The following CIMIP7 variants were observed in gnomAD, a reference collection of about 807,000 sequenced individuals.
CIMIP7 encodes the protein uncharacterized protein C3orf84.
the CIMIP7 span, among the ~76,000 whole-genome samples, chr3:49,190,980 A>C: frequency 6.6e-6 from 1 of 152,074 alleles, no homozygotes; most frequent in South Asian, 2.1e-4. Context: ...AGAGAATTTC[A>C]GAGAGAGGAA....
At chr3:49,190,663 AT>A in the CIMIP7 span, among the ~76,000 whole-genome samples, 910 of 99,966 alleles carry the variant, frequency 9.1e-3, 6 homozygotes, top group Middle Eastern at 0.028. Flanking sequence ...GCCAGGCTGA[AT>A]TTTTTTTTTT....
At chr3:49,180,705 C>T in the CIMIP7 span, among the ~76,000 whole-genome samples, 3 of 150,798 alleles carry the variant, frequency 2.0e-5, no homozygotes, top group Non-Finnish European at 4.4e-5. Context: ...CCGAGGCGGG[C>T]GGATCACGAG....
the CIMIP7 span, among the ~76,000 whole-genome samples, chr3:49,186,504 C>T: frequency 6.6e-6 from 1 of 150,954 alleles, no homozygotes; most frequent in East Asian, 2.0e-4. Context: ...CCCGGGTTCA[C>T]ACCATTCTCC....
chr3:49,186,217 T>C, the CIMIP7 span, among the ~76,000 whole-genome samples: 1 of 151,720 alleles, frequency 6.6e-6, no homozygotes, highest in Non-Finnish European at 1.5e-5. Flanking sequence ...CAGGCTGGTC[T>C]TGAACTCCCG....
chr3:49,189,949 G>A, the CIMIP7 span: 7 of 1,049,266 alleles, frequency 6.7e-6, no homozygotes, highest in African/African-American at 9.4e-5. Flanking sequence ...TGGAAGGGCT[G>A]GGATGATGCT....
the CIMIP7 span, among the ~76,000 whole-genome samples, chr3:49,188,571 C>T: frequency 2.0e-5 from 3 of 152,122 alleles, no homozygotes; most frequent in Non-Finnish European, 2.9e-5. Flanking sequence ...CTGATCCTGT[C>T]AGGGTGACCC....
the CIMIP7 span, among the ~76,000 whole-genome samples, chr3:49,191,435 A>G: frequency 2.6e-5 from 4 of 152,236 alleles, no homozygotes; most frequent in African/African-American, 9.6e-5. Context: ...TTCCCAGACT[A>G]GAGAGCAGCC....
chr3:49,183,225 A>G, the CIMIP7 span, among the ~76,000 whole-genome samples: 1 of 152,244 alleles, frequency 6.6e-6, no homozygotes, highest in African/African-American at 2.4e-5. Flanking sequence ...AATTAAAACC[A>G]CAATAAGATA....
chr3:49,181,887 G>T, the CIMIP7 span, among the ~76,000 whole-genome samples: 1 of 152,210 alleles, frequency 6.6e-6, no homozygotes, highest in Non-Finnish European at 1.5e-5. Context: ...CTTAAAGGCG[G>T]CATGTCCGGA....
chr3:49,186,421 G>A, the CIMIP7 span, among the ~76,000 whole-genome samples: 1 of 103,564 alleles, frequency 9.7e-6, no homozygotes, highest in Non-Finnish European at 1.9e-5. Flanking sequence ...TTTTTTTTTT[G>A]GAGATGGAGT....
the CIMIP7 span, among the ~76,000 whole-genome samples, chr3:49,182,287 A>T: frequency 2.6e-5 from 4 of 151,772 alleles, no homozygotes; most frequent in East Asian, 7.7e-4. Flanking sequence ...GGTAGAGCCC[A>T]GTAGTCTGTT....
At chr3:49,181,170 T>C in the CIMIP7 span, among the ~76,000 whole-genome samples, 2 of 151,018 alleles carry the variant, frequency 1.3e-5, no homozygotes, top group Admixed American at 1.3e-4. Flanking sequence ...GGTGAAACCT[T>C]GTCTCTACTG....
chr3:49,186,986 A>G, the CIMIP7 span, among the ~76,000 whole-genome samples: 6 of 152,204 alleles, frequency 3.9e-5, no homozygotes, highest in Admixed American at 6.5e-5. Flanking sequence ...GCAAGTTTCA[A>G]TTGACCCCCA....
chr3:49,183,055 G>T, the CIMIP7 span, among the ~76,000 whole-genome samples: 22 of 152,222 alleles, frequency 1.4e-4, no homozygotes, highest in Non-Finnish European at 2.8e-4. Flanking sequence ...AGCCCAGGAA[G>T]GGGCTCCCAC....
chr3:49,187,165 G>A, the CIMIP7 span, among the ~76,000 whole-genome samples: 4 of 152,204 alleles, frequency 2.6e-5, no homozygotes, highest in Non-Finnish European at 5.9e-5. Context: ...GGAGCTTGGT[G>A]AGAAGCACAG....
At chr3:49,179,770 G>A in the CIMIP7 span, among the ~76,000 whole-genome samples, 7 of 152,148 alleles carry the variant, frequency 4.6e-5, no homozygotes, top group East Asian at 1.9e-4. Context: ...GGGCAAAGGC[G>A]GTCTGTCTTG....
the CIMIP7 span, among the ~76,000 whole-genome samples, chr3:49,187,702 A>C: frequency 2.0e-5 from 3 of 152,354 alleles, no homozygotes; most frequent in East Asian, 5.8e-4. Flanking sequence ...AGTGGATGCT[A>C]CATCTTGGAA....
At chr3:49,189,640 A>G in the CIMIP7 span, among the ~76,000 whole-genome samples, 1 of 152,140 alleles carries the variant, frequency 6.6e-6, no homozygotes, top group Non-Finnish European at 1.5e-5. Flanking sequence ...ACTAATTTCT[A>G]AGGACCTGGA....
chr3:49,181,393 G>T, the CIMIP7 span, among the ~76,000 whole-genome samples: 3 of 149,850 alleles, frequency 2.0e-5, no homozygotes, highest in Admixed American at 1.3e-4. Context: ...GCTTACACCC[G>T]TAATCCCAGG....
Sources: allele counts gnomAD v4.1 joint callset (sites outside exome capture counted in the v4.1 genomes callset), GRCh38; gene constraint gnomAD v4.1.1; transcripts MANE v1.5; gene names NCBI Gene and HGNC (gene_info 2026-07-23, HGNC 2026-07-21).